The following CSMD1 variants were observed in gnomAD, a reference collection of about 807,000 sequenced individuals.
CSMD1 encodes CUB and sushi domain-containing protein 1.
A neutral mutation model predicts 417.5 loss-of-function variants in CSMD1; 213 were observed. The ratio of observed to expected loss-of-function variants is 0.51; its 90% confidence interval spans 0.46 to 0.57. CSMD1 has a LOEUF of 0.57. Among genes scored for constraint, CSMD1 ranks in the 20% least tolerant of loss-of-function variants. The pLI is 0.00. For synonymous variants in CSMD1, 2,862 were observed against 1,736.8 expected, an observed-to-expected ratio of 1.65 and a Z score of -16.11; for missense variants, 6,923 against 4,529.7, an observed-to-expected ratio of 1.53 and a Z score of -15.17.
At chr8:4,006,879 G>T (rs1026589728) in intron 4 of CSMD1, among the ~76,000 whole-genome samples, 2 of 140,832 alleles carry the variant, frequency 1.4e-5, no homozygotes, top group Non-Finnish European at 3.0e-5. Flanking sequence ...CCAGGCTGGA[G>T]TGCAGTGGCG....
intron 18 of CSMD1, among the ~76,000 whole-genome samples, chr8:3,374,916 C>A (rs946674198): frequency 6.6e-6 from 1 of 152,196 alleles, no homozygotes; most frequent in Middle Eastern, 3.2e-3. Flanking sequence ...GCCTGGAACT[C>A]AGAAATTGAA....
intron 2 of CSMD1, among the ~76,000 whole-genome samples, chr8:4,594,634 G>A (rs147510615): frequency 6.6e-6 from 1 of 152,208 alleles, no homozygotes; most frequent in African/African-American, 2.4e-5. Flanking sequence ...TTTGAACCTG[G>A]TCTTTCAACT....
chr8:3,329,643 C>T (rs531041277), intron 23 of CSMD1, among the ~76,000 whole-genome samples: 6 of 152,310 alleles, frequency 3.9e-5, no homozygotes, highest in Admixed American at 1.3e-4. Flanking sequence ...CTACAAAGGT[C>T]TGCCTGCCAT....
chr8:3,013,155 T>A (rs1246648941), intron 52 of CSMD1, among the ~76,000 whole-genome samples: 1 of 152,186 alleles, frequency 6.6e-6, no homozygotes, highest in Non-Finnish European at 1.5e-5. Flanking sequence ...AAAAATACAC[T>A]GCTATTACAA....
intron 5 of CSMD1, among the ~76,000 whole-genome samples, chr8:3,810,579 G>A (rs542262319): frequency 4.6e-5 from 7 of 152,260 alleles, no homozygotes; most frequent in African/African-American, 1.4e-4. Flanking sequence ...AGGGTTAGAA[G>A]GAGGCTTCTC....
intron 2 of CSMD1, among the ~76,000 whole-genome samples, chr8:4,425,435 G>C (rs1797493392): frequency 6.6e-6 from 1 of 151,468 alleles, no homozygotes; most frequent in South Asian, 2.1e-4. Flanking sequence ...GCGGAAGGAT[G>C]AGTGGATCCA....
intron 4 of CSMD1, among the ~76,000 whole-genome samples, chr8:4,023,344 G>A (rs573002209): frequency 7.9e-5 from 12 of 152,154 alleles, no homozygotes; most frequent in Non-Finnish European, 1.6e-4. Context: ...CATTAATACT[G>A]TATTAATGAA....
In CSMD1 at chr8:3,566,254, A is replaced by G. The variant is rs1471721436; in HGVS notation, c.1344+8691T>C. On this transcript the variant is annotated intron_variant, in intron 10 of 69. Transcript: ENST00000635120. ...GATGAGAAAAAGGAGGATGAGGAGG[A>G]AGAGTTGAAGAAAAGAATAACAAGA... Among the ~76,000 whole-genome samples, 3 of 152,264 alleles carry G rather than the reference A, an allele frequency of 2.0e-5. 1 individual carries two copies. In the South Asian group the frequency reaches 6.2e-4, roughly 32 times the overall value.
At chr8:2,969,138 T>C (rs1338505253) in intron 57 of CSMD1, among the ~76,000 whole-genome samples, 3 of 152,148 alleles carry the variant, frequency 2.0e-5, no homozygotes, top group Admixed American at 2.0e-4. Flanking sequence ...ATTATAAAAA[T>C]ACTTATTCCC....
chr8:3,722,559 T>C (rs1168082237), intron 6 of CSMD1, among the ~76,000 whole-genome samples: 1 of 152,184 alleles, frequency 6.6e-6, no homozygotes, highest in Non-Finnish European at 1.5e-5. Flanking sequence ...CTCTTGTCAA[T>C]GTCTCCAAAA....
At chr8:3,748,622 T>C (rs1336434626) in intron 6 of CSMD1, among the ~76,000 whole-genome samples, 3 of 152,232 alleles carry the variant, frequency 2.0e-5, no homozygotes, top group Non-Finnish European at 2.9e-5. Context: ...TACTCCTAGA[T>C]AGAGCTCTGG....
chr8:3,680,954 C>A (rs201858983), intron 7 of CSMD1, among the ~76,000 whole-genome samples: 6 of 152,100 alleles, frequency 3.9e-5, no homozygotes, highest in African/African-American at 1.4e-4. Context: ...ATTATCTCAA[C>A]AGATGCAGAA....
At position 4,052,135 on chromosome 8, in the gene CSMD1, G is replaced by C. The variant is rs546201248; in HGVS notation, c.416-20036C>G. 5.9e-5 allele frequency among the ~76,000 whole-genome samples: 9 copies of C among 152,074 alleles called. No individual in the cohort carries two copies. In the South Asian group the frequency reaches 6.2e-4, roughly 11 times the overall value. ...AGACAGGGTTTCACCATGTTGGTCA[G>C]GGTGGTCTCGAACTCCTGACCTGAA... is the stretch of plus-strand genomic sequence containing the variant. On this transcript the variant is annotated intron_variant, in intron 3 of 69. Coordinates refer to ENST00000635120, the MANE Select transcript of CSMD1 (RefSeq NM_033225.6).
intron 1 of CSMD1, among the ~76,000 whole-genome samples, chr8:4,841,354 GT>G (rs781167593): frequency 1.3e-5 from 2 of 152,176 alleles, no homozygotes; most frequent in Non-Finnish European, 2.9e-5. Flanking sequence ...TTATTCTACA[GT>G]TTGGAACCAC....
chr8:3,087,319 A>T, intron 48 of CSMD1, 34 bp from the exon 49 acceptor site: 1 of 1,601,408 alleles, frequency 6.2e-7, no homozygotes. Context: ...GAAATAAGTC[A>T]ACAAGCAAAC....
chr8:4,491,347 T>G (rs1196698203), intron 2 of CSMD1, among the ~76,000 whole-genome samples: 1 of 152,070 alleles, frequency 6.6e-6, no homozygotes, highest in Non-Finnish European at 1.5e-5. Flanking sequence ...TGGGCGCACG[T>G]GTCCAGGATT....
At chr8:4,987,356 G>A (rs1811232632) in intron 1 of CSMD1, among the ~76,000 whole-genome samples, 1 of 152,156 alleles carries the variant, frequency 6.6e-6, no homozygotes, top group African/African-American at 2.4e-5. Context: ...ACGGTGACAG[G>A]CGTGTTCAGT....
chr8:3,160,641 T>C (rs890221863), intron 38 of CSMD1, among the ~76,000 whole-genome samples: 1 of 152,236 alleles, frequency 6.6e-6, no homozygotes, highest in African/African-American at 2.4e-5. Flanking sequence ...TGTTATAATG[T>C]AAGTGGTAGG....
At chr8:4,989,829 C>G (rs989164427) in intron 1 of CSMD1, among the ~76,000 whole-genome samples, 1 of 152,162 alleles carries the variant, frequency 6.6e-6, no homozygotes, top group African/African-American at 2.4e-5. Flanking sequence ...AGCCACCGAG[C>G]TTTGTTTATC....
Sources: gnomAD v4.1 joint callset for allele counts (sites outside exome capture counted in the v4.1 genomes callset) on GRCh38, gnomAD v4.1.1 for gene constraint, MANE v1.5 for transcripts, NCBI Gene and HGNC (gene_info 2026-07-23, HGNC 2026-07-21) for gene names.